The following CADPS2 variants were observed in gnomAD, a reference collection of about 807,000 sequenced individuals.
CADPS2 encodes the protein calcium dependent secretion activator 2.
A neutral mutation model predicts 172.5 loss-of-function variants in CADPS2; 93 were observed. That is an observed-to-expected ratio of 0.54 (90% CI 0.46 to 0.64). CADPS2 has a LOEUF of 0.64. Among genes scored for constraint, CADPS2 ranks in the 30% least tolerant of loss-of-function variants. The pLI is 0.00. For synonymous variants in CADPS2, 546 were observed against 555.2 expected (o/e 0.98, Z 0.23); for missense variants, 1,420 against 1,565.9 (o/e 0.91, Z 1.57).
intron 4 of CADPS2, among the ~76,000 whole-genome samples, chr7:122,625,162 T>G (rs1410368336): frequency 6.6e-6 from 1 of 152,106 alleles, no homozygotes; most frequent in Non-Finnish European, 1.5e-5. Flanking sequence ...GTGATTCTCC[T>G]GCCTTAGCCT....
chr7:122,860,271 C>T (rs1816590176), intron 1 of CADPS2, among the ~76,000 whole-genome samples: 1 of 152,112 alleles, frequency 6.6e-6, no homozygotes, highest in Admixed American at 6.6e-5. Flanking sequence ...CTCTGTTACC[C>T]AGGCTGGAGT....
chr7:122,379,251 T>C (rs2042713910), intron 25 of CADPS2, 117 bp downstream of exon 25: 4 of 597,422 alleles, frequency 6.7e-6, no homozygotes, highest in Non-Finnish European at 1.1e-5. Context: ...TCTAATTTTT[T>C]CCTGCCCTAA....
intron 8 of CADPS2, among the ~76,000 whole-genome samples, chr7:122,521,266 C>G (rs1406627876): frequency 2.6e-5 from 4 of 152,038 alleles, no homozygotes; most frequent in African/African-American, 9.7e-5. Context: ...TCTCAAACAC[C>G]TTTCAGACAC....
intron 24 of CADPS2, among the ~76,000 whole-genome samples, chr7:122,383,993 AATGCCTAC>A (rs1459337400): frequency 6.6e-6 from 1 of 152,098 alleles, no homozygotes; most frequent in Non-Finnish European, 1.5e-5. Context: ...AGGGCTGATG[AATGCCTAC>A]AGCCCAGGTA....
chr7:122,594,732 T>C (rs2071473197), intron 6 of CADPS2, among the ~76,000 whole-genome samples: 1 of 151,752 alleles, frequency 6.6e-6, no homozygotes, highest in Non-Finnish European at 1.5e-5. Context: ...AGACATTAGC[T>C]TGAAGCACCT....
intron 14 of CADPS2, among the ~76,000 whole-genome samples, chr7:122,456,897 A>G (rs2053851623): frequency 6.6e-6 from 1 of 152,214 alleles, no homozygotes; most frequent in African/African-American, 2.4e-5. Flanking sequence ...AATTTGTGCT[A>G]TTCATCAATC....
At chr7:122,718,374 G>A (rs2089943726) in intron 2 of CADPS2, among the ~76,000 whole-genome samples, 1 of 151,960 alleles carries the variant, frequency 6.6e-6, no homozygotes, top group South Asian at 2.1e-4. Flanking sequence ...GAGTAGGGGA[G>A]AGAGGGAAAA....
intron 6 of CADPS2, among the ~76,000 whole-genome samples, chr7:122,605,176 T>C (rs187292711): frequency 6.6e-5 from 10 of 152,118 alleles, no homozygotes; most frequent in South Asian, 6.2e-4. Flanking sequence ...TGAAAGGAAA[T>C]TGCAGGACGG....
At position 122,657,435 on chromosome 7, in the gene CADPS2, C is replaced by T. The variant is rs186837800; in HGVS notation, c.786+5802G>A. 4.5e-3 allele frequency among the ~76,000 whole-genome samples: 681 copies of T among 152,254 alleles called. 5 individuals are homozygous for T. Among genetic ancestry groups the T allele is most frequent in the African/African-American group, 0.016 (649 of 41,554 alleles). ...TTTTCACGATATTGATTCTTCTATCCATGAGCATGGAATGTTCTTCCATTT... is the reference window on the plus strand; with the variant it reads ...TTTTCACGATATTGATTCTTCTATCTATGAGCATGGAATGTTCTTCCATTT... On this transcript the variant is annotated intron_variant, in intron 3 of 29. Coordinates refer to ENST00000449022, the MANE Select transcript of CADPS2 (RefSeq NM_017954.11).
intron 2 of CADPS2, among the ~76,000 whole-genome samples, chr7:122,691,991 T>C (rs2084433492): frequency 6.6e-6 from 1 of 152,140 alleles, no homozygotes; most frequent in Admixed American, 6.5e-5. Context: ...GTTCAGAGAC[T>C]AGTGGATTGC....
intron 25 of CADPS2, among the ~76,000 whole-genome samples, chr7:122,378,585 C>G (rs1045844383): frequency 6.6e-6 from 1 of 152,044 alleles, no homozygotes; most frequent in Admixed American, 6.6e-5. Context: ...TTTACCTTTG[C>G]TTCTTGTCAT....
At chr7:122,324,448 CT>C (rs1164178767) in intron 29 of CADPS2, among the ~76,000 whole-genome samples, 6 of 152,164 alleles carry the variant, frequency 3.9e-5, no homozygotes, top group Non-Finnish European at 8.8e-5. Flanking sequence ...TTAGAACCAT[CT>C]GGAGGACTTG....
chr7:122,474,538 G>A (rs1373380074), intron 12 of CADPS2, 21 bp from the exon 13 acceptor site: 6 of 1,606,844 alleles, frequency 3.7e-6, no homozygotes, highest in Non-Finnish European at 5.1e-6. Flanking sequence ...AGGAAAGCAT[G>A]TACAGTATAT....
chr7:122,398,485 C>G (rs960835441), intron 20 of CADPS2, among the ~76,000 whole-genome samples: 1 of 151,884 alleles, frequency 6.6e-6, no homozygotes, highest in African/African-American at 2.4e-5. Context: ...AGCAGCAAAA[C>G]AAACAGACAA....
intron 7 of CADPS2, among the ~76,000 whole-genome samples, chr7:122,558,619 T>A (rs937904235): frequency 4.6e-5 from 7 of 152,152 alleles, no homozygotes; most frequent in African/African-American, 1.7e-4. Context: ...ATTTTTAGGA[T>A]TTGTTAAAAA....
intron 8 of CADPS2, among the ~76,000 whole-genome samples, chr7:122,529,560 T>C (rs1308457801): frequency 6.6e-6 from 1 of 152,060 alleles, no homozygotes. Context: ...TGTCTCTGGA[T>C]TTTTCTTAAT....
In CADPS2 at chr7:122,730,991, AT is replaced by A. The variant is rs749299775; in HGVS notation, c.453+5963del. Among the ~76,000 whole-genome samples the A allele has an allele frequency of 9.4e-5, 12 of 128,338 alleles. No homozygotes were observed. In the East Asian group the frequency reaches 1.5e-3, roughly 16 times the overall value. 84.2% of individuals were successfully genotyped at this position (128,338 alleles called of 152,430 possible). On this transcript the variant is annotated intron_variant, in intron 2 of 29. Transcript: ENST00000449022. ...AATTTCATAATAAACATATTGAAAA[AT>A]TTTTTTTTAATTCATTGAAGGAATG...
At chr7:122,792,513 T>A (rs1023018890) in intron 1 of CADPS2, among the ~76,000 whole-genome samples, 2 of 152,124 alleles carry the variant, frequency 1.3e-5, no homozygotes, top group African/African-American at 4.8e-5. Flanking sequence ...TAAAGTTCTG[T>A]TGTTTATAAG....
rs528154821 is a variant in CADPS2 at position 122,794,369 on chromosome 7, T to G, written c.340-57301A>C. ...AAAGCCAGACTTCAAGCTCTGAGAT[T>G]CTTTCCTCCACCTGGTCTGTTTTGA... On this transcript the variant is annotated intron_variant, in intron 1 of 29. Coordinates refer to ENST00000449022, the MANE Select transcript of CADPS2 (RefSeq NM_017954.11). 3.3e-5 allele frequency among the ~76,000 whole-genome samples: 5 copies of G among 152,220 alleles called. No individual in the cohort carries two copies. The South Asian group carries it at 1.0e-3, about 32-fold the overall frequency.
Sources: gnomAD v4.1 joint callset for allele counts (sites outside exome capture counted in the v4.1 genomes callset) on GRCh38, gnomAD v4.1.1 for gene constraint, MANE v1.5 for transcripts, NCBI Gene and HGNC (gene_info 2026-07-23, HGNC 2026-07-21) for gene names.